Variants in GAB2 observed in about 807,000 individuals in gnomAD.
GAB2 encodes GRB2-associated-binding protein 2.
In GAB2, 26 loss-of-function variants were observed where a neutral mutation model predicts 65.5. The observed-to-expected ratio is 0.40, with a 90% CI of 0.29 to 0.55. The LOEUF (loss-of-function observed/expected upper bound fraction) is 0.55. Ranked by LOEUF, GAB2 falls within the 20% of genes least tolerant of loss-of-function variation. The probability of loss-of-function intolerance (pLI) is 0.53; values close to 1 mark genes in which losing one functional copy is unlikely to be tolerated. For synonymous variants in GAB2, 321 were observed against 329.6 expected (o/e 0.97, Z 0.28); for missense variants, 884 against 875.8 (o/e 1.01, Z -0.12).
intron 2 of GAB2, among the ~76,000 whole-genome samples, chr11:78,262,242 A>T (rs1173971702): frequency 6.6e-6 from 1 of 152,214 alleles, no homozygotes; most frequent in Non-Finnish European, 1.5e-5. Flanking sequence ...GGAAAGGAAC[A>T]TGCACGTTGG....
chr11:78,412,635 A>G (rs1857143980), intron 1 of GAB2, among the ~76,000 whole-genome samples: 1 of 152,220 alleles, frequency 6.6e-6, no homozygotes, highest in Non-Finnish European at 1.5e-5. Context: ...GCAAGATGTT[A>G]CCATTAAGGA....
At chr11:78,381,992 G>A (rs1856703752) in intron 1 of GAB2, among the ~76,000 whole-genome samples, 1 of 152,186 alleles carries the variant, frequency 6.6e-6, no homozygotes, top group African/African-American at 2.4e-5. Context: ...TCATATATCA[G>A]CTCCATTCTC....
intron 1 of GAB2, among the ~76,000 whole-genome samples, chr11:78,315,246 T>G (rs2134651044): frequency 6.6e-6 from 1 of 152,356 alleles, no homozygotes; most frequent in East Asian, 1.9e-4. Flanking sequence ...TCTCAGTCTA[T>G]TCCCCTCTTC....
At chr11:78,343,785 A>T (rs886535038) in intron 1 of GAB2, among the ~76,000 whole-genome samples, 1 of 152,226 alleles carries the variant, frequency 6.6e-6, no homozygotes, top group African/African-American at 2.4e-5. Context: ...AATATTTCTA[A>T]AATATTATTT....
At chr11:78,402,417 T>C (rs1452437411) in intron 1 of GAB2, among the ~76,000 whole-genome samples, 1 of 151,944 alleles carries the variant, frequency 6.6e-6, no homozygotes, top group Non-Finnish European at 1.5e-5. Flanking sequence ...TACATTTTCA[T>C]TTTTGTTTAA....
At chr11:78,415,009 C>T (rs1357275873) in intron 1 of GAB2, among the ~76,000 whole-genome samples, 3 of 152,066 alleles carry the variant, frequency 2.0e-5, no homozygotes, top group African/African-American at 7.2e-5. Flanking sequence ...GTAGCTGGGA[C>T]TACAGATGCC....
intron 1 of GAB2, among the ~76,000 whole-genome samples, chr11:78,330,364 TG>T (rs1855894524): frequency 6.6e-6 from 1 of 152,212 alleles, no homozygotes; most frequent in Non-Finnish European, 1.5e-5. Context: ...AGCAGGTCTC[TG>T]GGGACAGGAA....
intron 1 of GAB2, among the ~76,000 whole-genome samples, chr11:78,394,873 A>T (rs1309005751): frequency 6.6e-6 from 1 of 152,202 alleles, no homozygotes; most frequent in Non-Finnish European, 1.5e-5. Flanking sequence ...AGGTCTGGAG[A>T]TCATGCGGTG....
At position 78,239,140 on chromosome 11, in the gene GAB2, G is replaced by T. The variant is rs147045974; in HGVS notation, c.620+11017C>A. Among the ~76,000 whole-genome samples, 700 of 150,796 alleles carry T rather than the reference G, an allele frequency of 4.6e-3. 4 individuals are homozygous for T. Among genetic ancestry groups the T allele is most frequent in the African/African-American group, 0.016 (678 of 41,118 alleles). On this transcript the variant is annotated intron_variant, in intron 3 of 9. Coordinates refer to ENST00000361507, the MANE Select transcript of GAB2 (RefSeq NM_080491.3). ...GTAATGCTAGCAAAATGGCCAAGAA[G>T]AAACCCCTACTGCTTGTCCCCCTCA...
intron 2 of GAB2, among the ~76,000 whole-genome samples, chr11:78,277,500 CA>C (rs1301093160): frequency 2.6e-5 from 4 of 152,218 alleles, no homozygotes; most frequent in Admixed American, 1.3e-4. Flanking sequence ...AACTGGTGAT[CA>C]GCAGCTTTCT....
chr11:78,368,837 G>A (rs1318137812), intron 1 of GAB2, among the ~76,000 whole-genome samples: 1 of 152,120 alleles, frequency 6.6e-6, no homozygotes, highest in Non-Finnish European at 1.5e-5. Context: ...AGCACTTTGG[G>A]AGGCTGAGGT....
intron 2 of GAB2, among the ~76,000 whole-genome samples, chr11:78,269,942 G>T (rs913795900): frequency 1.3e-5 from 2 of 152,202 alleles, no homozygotes; most frequent in Non-Finnish European, 2.9e-5. Flanking sequence ...AAATCTCCAA[G>T]AGTTACAAAA....
intron 2 of GAB2, among the ~76,000 whole-genome samples, chr11:78,265,565 G>A (rs535247573): frequency 3.9e-5 from 6 of 152,268 alleles, no homozygotes; most frequent in African/African-American, 7.2e-5. Context: ...TAAAAGGGCC[G>A]AGGAGGTAGC....
At chr11:78,351,769 G>C (rs1253673298) in intron 1 of GAB2, among the ~76,000 whole-genome samples, 3 of 152,142 alleles carry the variant, frequency 2.0e-5, no homozygotes, top group African/African-American at 7.2e-5. Flanking sequence ...CCAAGTGTTT[G>C]GTCCCCAAAT....
chr11:78,374,227 T>A lies in GAB2; in HGVS notation c.75+43419A>T, dbSNP rs1856605988. On this transcript the variant is annotated intron_variant, in intron 1 of 9. Coordinates refer to ENST00000361507, the MANE Select transcript of GAB2 (RefSeq NM_080491.3). ...ACTTCCTCAGTATTTTCCATACAGT[T>A]GACTACTGTGTGTGTCTCTCAAATC... Among the ~76,000 whole-genome samples, 8 of 152,230 alleles carry A rather than the reference T, an allele frequency of 5.3e-5. No individual in the cohort carries two copies. The South Asian group carries it at 1.7e-3, about 31-fold the overall frequency.
At chr11:78,405,124 A>C (rs914994386) in intron 1 of GAB2, among the ~76,000 whole-genome samples, 2 of 110,178 alleles carry the variant, frequency 1.8e-5, no homozygotes, top group Admixed American at 1.3e-4. Flanking sequence ...TTTGAGATGG[A>C]GTCTAGCTCT....
At chr11:78,303,260 C>A (rs1370758109) in intron 1 of GAB2, among the ~76,000 whole-genome samples, 1 of 152,000 alleles carries the variant, frequency 6.6e-6, no homozygotes, top group East Asian at 1.9e-4. Flanking sequence ...CTTTGCCTAC[C>A]CCAAGGTCAA....
chr11:78,417,638 G>A lies in GAB2; in HGVS notation c.75+8C>T, dbSNP rs1178654848. The A allele has an allele frequency of 1.7e-5, 22 of 1,329,116 alleles. No homozygotes were observed. Among genetic ancestry groups the A allele is most frequent in the Non-Finnish European group, 2.2e-5 (22 of 1,012,606 alleles). 82.3% of individuals were successfully genotyped at this position (1,329,116 alleles called of 1,614,324 possible). On this transcript the variant is annotated splice_region_variant and intron_variant, in intron 1 of 9. Coordinates refer to ENST00000361507, the MANE Select transcript of GAB2 (RefSeq NM_080491.3). ...CGCCCGCCCCTGGGCGGCCGCGCCC[G>A]CACTCACATAGCGCCTCAACTTCTT...
At position 78,417,607 on chromosome 11, in the gene GAB2, G is replaced by T. The variant is rs1008685804; in HGVS notation, c.75+39C>A. 5 of 1,152,844 alleles carry T rather than the reference G, an allele frequency of 4.3e-6. No individual in the cohort carries two copies. The East Asian group carries it at 2.7e-4, about 63-fold the overall frequency. 71.4% of individuals were successfully genotyped at this position (1,152,844 alleles called of 1,614,324 possible). ...CCCGCCCCTCCGCAGGCCCCGGAGC[G>T]CCCCCCGCCCGCCCCTGGGCGGCCG... On this transcript the variant is annotated intron_variant, in intron 1 of 9. Transcript: ENST00000361507.
Sources: allele counts gnomAD v4.1 joint callset (sites outside exome capture counted in the v4.1 genomes callset), GRCh38; gene constraint gnomAD v4.1.1; transcripts MANE v1.5; gene names NCBI Gene and HGNC (gene_info 2026-07-23, HGNC 2026-07-21).